The following ASAP2 variants were observed in gnomAD, a reference collection of about 807,000 sequenced individuals.
ASAP2 encodes the protein arf-GAP with SH3 domain, ANK repeat and PH domain-containing protein 2.
Under a neutral mutation model 131.4 loss-of-function variants are expected in ASAP2, and 45 were observed. That is an observed-to-expected ratio of 0.34 (90% CI 0.27 to 0.44). The LOEUF is 0.44. Ranked by LOEUF, ASAP2 falls within the 20% of genes least tolerant of loss-of-function variation. The pLI is 1.00. For missense variants in ASAP2, 1,011 were observed against 1,297.0 expected, an observed-to-expected ratio of 0.78 and a Z score of 3.39; for synonymous variants, 510 against 503.0, an observed-to-expected ratio of 1.01 and a Z score of -0.19.
intron 22 of ASAP2, among the ~76,000 whole-genome samples, chr2:9,388,865 T>TCTG (rs1258907940): frequency 1.3e-5 from 2 of 152,186 alleles, no homozygotes; most frequent in Admixed American, 6.5e-5. Flanking sequence ...AGGTCTCCCC[T>TCTG]CTGCACCCTT....
intron 1 of ASAP2, among the ~76,000 whole-genome samples, chr2:9,226,205 A>G (rs375498259): frequency 1.3e-5 from 2 of 152,210 alleles, no homozygotes; most frequent in African/African-American, 4.8e-5. Flanking sequence ...ACATTATAAT[A>G]AAACTCTTAA....
chr2:9,304,336 T>C lies in ASAP2; in HGVS notation c.345+6891T>C, dbSNP rs573434892. On this transcript the variant is annotated intron_variant, in intron 3 of 27. Coordinates refer to ENST00000281419, the MANE Select transcript of ASAP2 (RefSeq NM_003887.3). Reference sequence around the variant, plus strand: ...TGTGTGTTTTCTTAATTGCTGGCTATTAAAGGGACAACTGCCACGATGTAG... The same window carrying C: ...TGTGTGTTTTCTTAATTGCTGGCTACTAAAGGGACAACTGCCACGATGTAG... Among the ~76,000 whole-genome samples the C allele has an allele frequency of 2.6e-5, 4 of 152,212 alleles. No individual in the cohort carries two copies. In the East Asian group the frequency reaches 5.8e-4, roughly 22 times the overall value.
chr2:9,363,107 T>C (rs898982574), intron 15 of ASAP2, among the ~76,000 whole-genome samples: 3 of 152,216 alleles, frequency 2.0e-5, no homozygotes, highest in East Asian at 1.9e-4. Flanking sequence ...GGTTCATCCA[T>C]GTTGTCACAA....
At chr2:9,318,683 C>T in intron 4 of ASAP2, 85 bp downstream of exon 4, 1 of 833,896 alleles carries the variant, frequency 1.2e-6, no homozygotes, top group Non-Finnish European at 1.9e-6. Context: ...AGCAGCCACG[C>T]CAGTACGTTC....
At chr2:9,340,186 C>A (rs955250049) in intron 9 of ASAP2, among the ~76,000 whole-genome samples, 1 of 152,188 alleles carries the variant, frequency 6.6e-6, no homozygotes, top group African/African-American at 2.4e-5. Flanking sequence ...CCACGCCTGG[C>A]TAATTTTTGT....
chr2:9,375,617 T>G (rs1674346956), intron 17 of ASAP2, among the ~76,000 whole-genome samples: 1 of 152,214 alleles, frequency 6.6e-6, no homozygotes, highest in African/African-American at 2.4e-5. Flanking sequence ...CACCAGGCTT[T>G]GTAGTAGATC....
At chr2:9,308,822 T>C (rs1032684601) in intron 3 of ASAP2, among the ~76,000 whole-genome samples, 1 of 152,218 alleles carries the variant, frequency 6.6e-6, no homozygotes, top group Non-Finnish European at 1.5e-5. Context: ...CGGCACATAC[T>C]TCTCAGAGTA....
At chr2:9,233,722 G>A (rs1413858742) in intron 1 of ASAP2, among the ~76,000 whole-genome samples, 2 of 152,144 alleles carry the variant, frequency 1.3e-5, no homozygotes, top group Non-Finnish European at 2.9e-5. Flanking sequence ...TGCACTTACT[G>A]TGTGCCAGGC....
At chr2:9,219,624 A>G (rs1341847553) in intron 1 of ASAP2, among the ~76,000 whole-genome samples, 1 of 152,208 alleles carries the variant, frequency 6.6e-6, no homozygotes, top group Admixed American at 6.5e-5. Context: ...TTTATTTTTG[A>G]AAAAACCTTT....
At chr2:9,324,551 TGGTGGGGGCCTCACAA>T (rs1366345082) in intron 6 of ASAP2, among the ~76,000 whole-genome samples, 1 of 152,216 alleles carries the variant, frequency 6.6e-6, no homozygotes, top group Non-Finnish European at 1.5e-5. Flanking sequence ...GGACATCACA[TGGTGGGGGCCTCACAA>T]GAGACAGCCA....
intron 24 of ASAP2, among the ~76,000 whole-genome samples, chr2:9,397,825 C>G (rs1676289805): frequency 8.0e-6 from 1 of 125,178 alleles, no homozygotes; most frequent in African/African-American, 3.1e-5. Flanking sequence ...GTGGCTCGAT[C>G]TCTGCTCATT....
intron 3 of ASAP2, among the ~76,000 whole-genome samples, chr2:9,305,326 A>T (rs1171696592): frequency 2.9e-5 from 3 of 105,092 alleles, no homozygotes; most frequent in Non-Finnish European, 5.6e-5. Flanking sequence ...ATGTTGGTGG[A>T]GGGGCTGTAG....
intron 15 of ASAP2, among the ~76,000 whole-genome samples, chr2:9,361,914 G>A (rs1673105038): frequency 6.6e-6 from 1 of 151,866 alleles, no homozygotes; most frequent in East Asian, 1.9e-4. Flanking sequence ...TAGACAATCA[G>A]GTACTGGGAT....
chr2:9,314,015 G>A (rs551738660), intron 3 of ASAP2, among the ~76,000 whole-genome samples: 2 of 152,040 alleles, frequency 1.3e-5, no homozygotes, highest in Non-Finnish European at 1.5e-5. Context: ...CAAAAGTCTC[G>A]CTCTGTTACC....
chr2:9,388,339 C>A lies in ASAP2; in HGVS notation c.2176C>A (p.Leu726Met). ...REDRPISFYQ[L>M]GSNQLQSNAV... ...AGACCGGCCCATCAGCTTCTACCAG[C>A]TGGGCTCCAACCAGCTTCAGTCTAA... The change falls in exon 22 of 28, where the codon CTG becomes ATG. Residue 726 changes from leucine to methionine, a missense_variant. Around this residue, in one of 2 missense-constraint regions of ASAP2, gnomAD observed 652 missense variants for 698.9 expected, o/e 0.93. Coordinates refer to ENST00000281419, the MANE Select transcript of ASAP2 (RefSeq NM_003887.3). 6.2e-7 allele frequency: 1 copy of A among 1,614,190 alleles called. No homozygotes were observed. The highest frequency in any genetic ancestry group is 8.5e-7 in the Non-Finnish European group (1 of 1,180,034).
At chr2:9,335,034 T>A in intron 8 of ASAP2, 59 bp from the exon 9 acceptor site, 1 of 1,553,660 alleles carries the variant, frequency 6.4e-7, no homozygotes, top group Admixed American at 1.7e-5. Context: ...CACCAACGTT[T>A]CACTGTACCT....
chr2:9,306,449 G>A (rs1668947963), intron 3 of ASAP2, among the ~76,000 whole-genome samples: 2 of 151,832 alleles, frequency 1.3e-5, no homozygotes, highest in South Asian at 4.1e-4. Flanking sequence ...TGCAGGTGGA[G>A]GCATAGGGAC....
chr2:9,367,099 C>G (rs1396062172), intron 15 of ASAP2, among the ~76,000 whole-genome samples: 1 of 145,546 alleles, frequency 6.9e-6, no homozygotes, highest in African/African-American at 2.6e-5. Flanking sequence ...GGTGTGATCT[C>G]GGCTCACTGC....
chr2:9,274,306 T>G (rs760958143), intron 1 of ASAP2, among the ~76,000 whole-genome samples: 167 of 148,244 alleles, frequency 1.1e-3, no homozygotes, highest in Non-Finnish European at 2.2e-3. Context: ...TAAGACTGTT[T>G]CTAGCATTCA....
Sources: allele counts gnomAD v4.1 joint callset (sites outside exome capture counted in the v4.1 genomes callset), GRCh38; gene constraint gnomAD v4.1.1; regional missense constraint gnomAD v4.1.1; transcripts MANE v1.5; gene names NCBI Gene and HGNC (gene_info 2026-07-23, HGNC 2026-07-21).